ANO7: variants seen among roughly 807,000 people sequenced by gnomAD.
ANO7 encodes the protein anoctamin-7.
Under a neutral mutation model 115.8 loss-of-function variants are expected in ANO7, and 114 were observed. The observed-to-expected ratio is 0.98, with a 90% CI of 0.85 to 1.15. The LOEUF (loss-of-function observed/expected upper bound fraction) is 1.15. ANO7 is among the 50% of genes most tolerant of loss of function. The pLI is 0.00. For synonymous variants in ANO7, 550 were observed against 498.2 expected (o/e 1.10, Z -1.38); for missense variants, 1,302 against 1,201.2 (o/e 1.08, Z -1.24).
intron 21 of ANO7, among the ~76,000 whole-genome samples, chr2:241,222,464 C>T (rs1319777981): frequency 2.0e-5 from 3 of 151,990 alleles, no homozygotes; most frequent in South Asian, 4.2e-4. Flanking sequence ...AGGGTGGTCT[C>T]GTCGTCACTG....
chr2:241,190,928 G>A (rs2068185079), intron 2 of ANO7, among the ~76,000 whole-genome samples: 1 of 152,220 alleles, frequency 6.6e-6, no homozygotes, highest in Admixed American at 6.5e-5. Flanking sequence ...GAGGAGGGGA[G>A]CCGGCTGGAG....
At chr2:241,236,500 C>T in the ANO7 span, 2 of 1,037,218 alleles carry the variant, frequency 1.9e-6, no homozygotes, top group South Asian at 1.4e-5. Context: ...AAGAGGGCTA[C>T]CTCCACTGCC....
chr2:241,201,959 C>A (rs1354872262), intron 7 of ANO7, among the ~76,000 whole-genome samples: 1 of 152,234 alleles, frequency 6.6e-6, no homozygotes, highest in Non-Finnish European at 1.5e-5. Context: ...TGGCTCTGGT[C>A]AAGGACTCTG....
intron 4 of ANO7, among the ~76,000 whole-genome samples, chr2:241,198,773 C>T (rs1326318314): frequency 6.6e-6 from 1 of 152,252 alleles, no homozygotes; most frequent in African/African-American, 2.4e-5. Context: ...AGATCCCTGT[C>T]TCAACCCACC....
chr2:241,239,918 C>A, the ANO7 span: 1 of 1,614,054 alleles, frequency 6.2e-7, no homozygotes, highest in Non-Finnish European at 8.5e-7. This position sits in a 1 kb window ranked among gnomAD's most constrained non-coding sequence, Gnocchi z 4.6. Context: ...TGGATCAAGG[C>A]CTCCAGCTCC....
At chr2:241,207,514 G>A (rs1320260741) in intron 10 of ANO7, 60 bp from the exon 11 acceptor site, 3 of 1,461,408 alleles carry the variant, frequency 2.1e-6, no homozygotes, top group Non-Finnish European at 2.9e-6. Flanking sequence ...CGCCTGGCTG[G>A]GAGGAGCAAG....
At position 241,217,721 on chromosome 2, in the gene ANO7, G is replaced by T. The variant is rs1361277553; in HGVS notation, c.2008G>T (p.Ala670Ser). ...CGGCTTCGTCACCATCTTCGTGGCC[G>T]CCTGTCCGCTCGCGCCGCTCTTCGC... Reference protein sequence around the residue: ...QFGFVTIFVAACPLAPLFALL... With the variant: ...QFGFVTIFVASCPLAPLFALL... The change falls in exon 20 of 25, where the codon GCC becomes TCC. Residue 670 changes from alanine to serine, a missense_variant. Ala to Ser is a moderately conservative substitution (Grantham distance 99). Coordinates refer to ENST00000674324, the MANE Select transcript of ANO7 (RefSeq NM_001370694.2). The T allele has an allele frequency of 1.3e-6, 2 of 1,598,514 alleles. No homozygotes were observed. Among genetic ancestry groups the T allele is most frequent in the Non-Finnish European group, 1.7e-6 (2 of 1,173,312 alleles).
chr2:241,190,234 C>T, intron 2 of ANO7, 63 bp downstream of exon 2: 1 of 1,410,314 alleles, frequency 7.1e-7, no homozygotes, highest in Non-Finnish European at 9.6e-7. Context: ...GGTCTATGCC[C>T]CCACCCTGGG....
At chr2:241,227,020 A>G (rs965272068), downstream of ANO7, among the ~76,000 whole-genome samples, 1 of 152,140 alleles carries the variant, frequency 6.6e-6, no homozygotes, top group Non-Finnish European at 1.5e-5. Flanking sequence ...GCTGCTCCAC[A>G]AGGACGGTTG....
At chr2:241,237,521 G>T in the ANO7 span, among the ~76,000 whole-genome samples, 2 of 152,104 alleles carry the variant, frequency 1.3e-5, no homozygotes, top group Non-Finnish European at 2.9e-5. Flanking sequence ...TGAAATCAAG[G>T]GTGATCCTAG....
the ANO7 span, among the ~76,000 whole-genome samples, chr2:241,239,424 A>G: frequency 6.6e-6 from 1 of 150,656 alleles, no homozygotes; most frequent in Non-Finnish European, 1.5e-5. The surrounding 1 kb of genome is among the most constrained non-coding windows in gnomAD (Gnocchi z 4.6). Flanking sequence ...ACCAACTATC[A>G]GGAAGGAGGC....
At chr2:241,237,729 G>A in the ANO7 span, among the ~76,000 whole-genome samples, 1 of 51,024 alleles carries the variant, frequency 2.0e-5, no homozygotes, top group Non-Finnish European at 4.0e-5. Flanking sequence ...GAAAAAAAAC[G>A]TGTGTAAAAG....
the ANO7 span, chr2:241,238,607 C>CGT: frequency 7.0e-7 from 1 of 1,434,902 alleles, no homozygotes; most frequent in East Asian, 2.5e-5. The surrounding 1 kb of genome is among the most constrained non-coding windows in gnomAD (Gnocchi z 4.9). Context: ...ACATGGGAGG[C>CGT]GCCACTATTA....
At chr2:241,191,480 T>C (rs1319648861) in intron 3 of ANO7, among the ~76,000 whole-genome samples, 2 of 152,142 alleles carry the variant, frequency 1.3e-5, no homozygotes, top group East Asian at 3.9e-4. Flanking sequence ...GGAAGGGCTC[T>C]GGAGAGTGGA....
the ANO7 span, chr2:241,233,739 C>A: frequency 6.6e-7 from 1 of 1,526,658 alleles, no homozygotes; most frequent in Non-Finnish European, 9.0e-7. This position sits in a 1 kb window ranked among gnomAD's most constrained non-coding sequence, Gnocchi z 4.3. Context: ...CCCATCTAGG[C>A]ACATCTGGTT....
intron 11 of ANO7, among the ~76,000 whole-genome samples, chr2:241,207,890 A>G (rs1274449859): frequency 2.0e-5 from 3 of 152,144 alleles, no homozygotes; most frequent in Non-Finnish European, 4.4e-5. Context: ...GGCCCATGTT[A>G]GTGCTTCCCA....
intron 3 of ANO7, among the ~76,000 whole-genome samples, chr2:241,195,059 T>C (rs1271034985): frequency 6.6e-6 from 1 of 152,206 alleles, no homozygotes; most frequent in African/African-American, 2.4e-5. Flanking sequence ...TCCAAGGGCC[T>C]GGGGGACTTT....
chr2:241,237,371 C>A, the ANO7 span, among the ~76,000 whole-genome samples: 1 of 152,200 alleles, frequency 6.6e-6, no homozygotes. Context: ...ACAGGCCACA[C>A]TGGGACACCG....
At chr2:241,237,071 C>A in the ANO7 span, among the ~76,000 whole-genome samples, 1 of 150,306 alleles carries the variant, frequency 6.7e-6, no homozygotes, top group Non-Finnish European at 1.5e-5. Context: ...CTAACAGCAA[C>A]TAACTACAGC....
Sources: gnomAD v4.1 joint callset for allele counts (sites outside exome capture counted in the v4.1 genomes callset) on GRCh38, gnomAD v4.1.1 for gene constraint, Gnocchi (gnomAD v3.1) non-coding constraint, MANE v1.5 for transcripts, NCBI Gene and HGNC (gene_info 2026-07-23, HGNC 2026-07-21) for gene names.